Variants in RFC1 observed in about 807,000 individuals in gnomAD.
The protein encoded by RFC1 is replication factor C subunit 1, also known as A1 140 kDa subunit.
Under a neutral mutation model 137.4 loss-of-function variants are expected in RFC1, and 37 were observed. That is an observed-to-expected ratio of 0.27 (90% CI 0.21 to 0.35). RFC1 has a LOEUF of 0.35. Among genes scored for constraint, RFC1 ranks in the 10% least tolerant of loss-of-function variants. The probability of loss-of-function intolerance (pLI) is 1.00; values close to 1 mark genes in which losing one functional copy is unlikely to be tolerated. For synonymous variants in RFC1, 429 were observed against 455.7 expected, an observed-to-expected ratio of 0.94 and a Z score of 0.75; for missense variants, 1,205 against 1,358.5, an observed-to-expected ratio of 0.89 and a Z score of 1.78.
chr4:39,307,107 TGAG>T (rs1304325169), intron 13 of RFC1, among the ~76,000 whole-genome samples: 13 of 152,074 alleles, frequency 8.5e-5, no homozygotes, highest in Admixed American at 6.5e-4. Context: ...CTTTGTTAGA[TGAG>T]GAGAACAACA....
intron 8 of RFC1, among the ~76,000 whole-genome samples, 171 bp from the exon 9 acceptor site, chr4:39,320,840 A>G (rs1022458684): frequency 6.6e-6 from 1 of 152,212 alleles, no homozygotes; most frequent in Non-Finnish European, 1.5e-5. Flanking sequence ...ACATTTACTT[A>G]TAGGACTAAG....
chr4:39,308,972 T>C lies in RFC1; in HGVS notation c.1549A>G (p.Ile517Val). 6.2e-7 allele frequency: 1 copy of C among 1,612,566 alleles called. No homozygotes were observed. The highest frequency in any genetic ancestry group is 8.5e-7 in the Non-Finnish European group (1 of 1,179,812). The stretch of plus-strand genomic sequence containing the variant: ...TCTGATTCCTTTTTAGATGGACTAA[T>C]TTTTCTTTTTCCTTGGACATTTTTT... The part of the protein sequence containing the change: ...PQKNVQGKRK[I>V]SPSKKESESK... The change falls in exon 13 of 25, where the codon ATT becomes GTT. Residue 517 changes from isoleucine to valine, a missense_variant. Physicochemically the swap from Ile to Val is conservative, Grantham distance 29. Coordinates refer to ENST00000349703, the MANE Select transcript of RFC1 (RefSeq NM_002913.5).
chr4:39,364,489 A>AT (rs1309034347), intron 1 of RFC1, among the ~76,000 whole-genome samples: 2 of 152,184 alleles, frequency 1.3e-5, no homozygotes, highest in Non-Finnish European at 2.9e-5. Flanking sequence ...GAAGAGGTCT[A>AT]TTTTTTATCT....
At chr4:39,331,244 A>G (rs1740087284) in intron 4 of RFC1, among the ~76,000 whole-genome samples, 1 of 152,190 alleles carries the variant, frequency 6.6e-6, no homozygotes, top group Admixed American at 6.5e-5. Context: ...AAGTTCAACA[A>G]TTGTACTTCT....
intron 1 of RFC1, among the ~76,000 whole-genome samples, chr4:39,353,714 T>C (rs1357339461): frequency 1.3e-5 from 2 of 152,204 alleles, no homozygotes; most frequent in Non-Finnish European, 2.9e-5. Flanking sequence ...CAGTGATTCT[T>C]CACTCAAACA....
chr4:39,364,100 A>G (rs78773383), intron 1 of RFC1, among the ~76,000 whole-genome samples: 65,323 of 134,926 alleles, frequency 0.48, 16,473 homozygotes, highest in Non-Finnish European at 0.53. Flanking sequence ...AAAAAAAAAA[A>G]AAGAAGAAGA....
intron 6 of RFC1, among the ~76,000 whole-genome samples, chr4:39,324,259 G>C (rs1739655264): frequency 6.6e-6 from 1 of 152,134 alleles, no homozygotes; most frequent in Non-Finnish European, 1.5e-5. Flanking sequence ...AACTCTTACA[G>C]GGATAATTAG....
chr4:39,315,488 A>G (rs1739193761), intron 10 of RFC1, among the ~76,000 whole-genome samples: 1 of 152,178 alleles, frequency 6.6e-6, no homozygotes, highest in African/African-American at 2.4e-5. Context: ...AAGAATGCCC[A>G]AGTTTGTCCA....
chr4:39,352,775 T>C (rs972202810), intron 1 of RFC1, among the ~76,000 whole-genome samples: 10 of 152,160 alleles, frequency 6.6e-5, no homozygotes, highest in African/African-American at 7.2e-5. Context: ...GAAAAAATAA[T>C]GAGAATGTAG....
At chr4:39,309,545 A>G (rs1221476614) in intron 12 of RFC1, among the ~76,000 whole-genome samples, 1 of 152,220 alleles carries the variant, frequency 6.6e-6, no homozygotes, top group African/African-American at 2.4e-5. Context: ...CCTTGAAACC[A>G]CTATGCTAAG....
At chr4:39,324,948 C>T (rs752714244) in intron 6 of RFC1, among the ~76,000 whole-genome samples, 4 of 152,122 alleles carry the variant, frequency 2.6e-5, no homozygotes, top group African/African-American at 4.8e-5. Context: ...GAGATGAGCG[C>T]TCCTCCCTGA....
chr4:39,308,740 G>A lies in RFC1; in HGVS notation c.1781C>T (p.Ser594Leu), dbSNP rs748333308. The A allele has an allele frequency of 5.0e-6, 8 of 1,614,152 alleles. No homozygotes were observed. The Admixed American group carries it at 5.0e-5, about 10-fold the overall frequency. ...LLWVDKYKPT[S>L]LKTIIGQQGD... ...TTGCTGTCCAATTATGGTCTTGAGC[G>A]AGGTTGGCTTATATTTATCCACCCA... is the stretch of plus-strand genomic sequence containing the variant. The change falls in exon 13 of 25, where the codon TCG (serine) becomes TTG (leucine). Residue 594 changes from serine (S) to leucine (L), a missense_variant. Coordinates refer to ENST00000349703, the MANE Select transcript of RFC1 (RefSeq NM_002913.5).
chr4:39,322,137 G>A (rs1739550195), intron 7 of RFC1: 2 of 152,218 alleles, frequency 1.3e-5, no homozygotes, highest in African/African-American at 2.4e-5. Context: ...AAAAATTAAA[G>A]TCTTGATGTT....
chr4:39,355,240 C>A (rs1373256719), intron 1 of RFC1, among the ~76,000 whole-genome samples: 1 of 150,624 alleles, frequency 6.6e-6, no homozygotes, highest in Non-Finnish European at 1.5e-5. Context: ...CAGGGCAACA[C>A]AGGGAGACCC....
chr4:39,366,169 T>C, intron 1 of RFC1, 70 bp downstream of exon 1: 1 of 1,508,484 alleles, frequency 6.6e-7, no homozygotes, highest in Non-Finnish European at 9.0e-7. Flanking sequence ...ATACCAGGAG[T>C]GCCCGGTCCA....
At chr4:39,352,943 G>C (rs973899441) in intron 1 of RFC1, among the ~76,000 whole-genome samples, 2 of 152,010 alleles carry the variant, frequency 1.3e-5, no homozygotes, top group South Asian at 4.1e-4. Context: ...ACTTTGTAAA[G>C]TGTTAAGAAA....
At chr4:39,366,209 C>T in intron 1 of RFC1, 30 bp downstream of exon 1, 1 of 1,552,474 alleles carries the variant, frequency 6.4e-7, no homozygotes, top group South Asian at 1.2e-5. Context: ...CCCCAGACCC[C>T]GAGCCGCACG....
In RFC1 at chr4:39,342,478, G is replaced by A. The variant is rs1740654006; in HGVS notation, c.209-11C>T. On this transcript the variant is annotated splice_polypyrimidine_tract_variant and intron_variant, in intron 3 of 24. Transcript: ENST00000349703. ...CCTCTGACTCTGAATCTGTATGTGAGAGAAAAATAAAACAAAACTTTGAAA... is the reference window on the plus strand; with the variant it reads ...CCTCTGACTCTGAATCTGTATGTGAAAGAAAAATAAAACAAAACTTTGAAA... 1 of 1,608,808 alleles carries A rather than the reference G, an allele frequency of 6.2e-7. No individual in the cohort carries two copies. The highest frequency in any genetic ancestry group is 8.5e-7 in the Non-Finnish European group (1 of 1,177,470).
At position 39,334,463 on chromosome 4, in the gene RFC1, CT is replaced by C. The variant is rs3839128; in HGVS notation, c.332-6708del. 9.2e-5 allele frequency among the ~76,000 whole-genome samples: 14 copies of C among 152,288 alleles called. No homozygotes were observed. In the East Asian group the frequency reaches 2.7e-3, roughly 29 times the overall value. On this transcript the variant is annotated intron_variant, in intron 4 of 24. Coordinates refer to ENST00000349703, the MANE Select transcript of RFC1 (RefSeq NM_002913.5). ...ACTAGCTGCTTCCAACAGACAGTGACTTAACAGGTGTTGCTGTGAGGATCCT... is the reference window on the plus strand; with the variant it reads ...ACTAGCTGCTTCCAACAGACAGTGACTAACAGGTGTTGCTGTGAGGATCCT...
Sources: allele counts gnomAD v4.1 joint callset (sites outside exome capture counted in the v4.1 genomes callset), GRCh38; gene constraint gnomAD v4.1.1; transcripts MANE v1.5; gene names NCBI Gene and HGNC (gene_info 2026-07-23, HGNC 2026-07-21).